The following ZNF765 variants were observed in gnomAD, a reference collection of about 807,000 sequenced individuals.
ZNF765 encodes the protein zinc finger protein 765.
ZNF765 carries 37 observed loss-of-function variants against 44.7 expected under a neutral mutation model. The observed-to-expected ratio is 0.83, with a 90% CI of 0.64 to 1.09. The LOEUF is 1.09. Among genes scored for constraint, ZNF765 ranks in the 50% least tolerant of loss-of-function variants. The probability of loss-of-function intolerance (pLI) is 0.00; values close to 1 mark genes in which losing one functional copy is unlikely to be tolerated. For synonymous variants in ZNF765, 201 were observed against 213.7 expected (o/e 0.94, Z 0.52); for missense variants, 594 against 626.1 (o/e 0.95, Z 0.55).
chr19:53,413,471 T>TC, downstream of ZNF765: 2 of 403,020 alleles, frequency 5.0e-6, no homozygotes, highest in South Asian at 4.5e-5. Context: ...ATATATTTTT[T>TC]CTCTCTGAAT....
In ZNF765 at chr19:53,395,643, C is replaced by T. The variant is rs540239085; in HGVS notation, c.-74+450C>T. On this transcript the variant is annotated intron_variant, in intron 1 of 3. Transcript: ENST00000396408. ...CCACCCTTGTCTTAAGGCGCCGTGGCGCCGCCGCCTCCCTCCTTTTGCGGG... is the reference window on the plus strand; with the variant it reads ...CCACCCTTGTCTTAAGGCGCCGTGGTGCCGCCGCCTCCCTCCTTTTGCGGG... 2.0e-5 allele frequency among the ~76,000 whole-genome samples: 3 copies of T among 152,310 alleles called. No homozygotes were observed. In the East Asian group the frequency reaches 5.8e-4, roughly 30 times the overall value.
chr19:53,422,482 C>T (rs1462539162), intron 3 of ZNF765, among the ~76,000 whole-genome samples: 3 of 152,206 alleles, frequency 2.0e-5, no homozygotes, highest in Non-Finnish European at 4.4e-5. Context: ...AAATAGGACA[C>T]ATCCAAATAT....
downstream of ZNF765, among the ~76,000 whole-genome samples, chr19:53,414,222 CAG>C (rs2085855100): frequency 1.0e-5 from 1 of 99,086 alleles, no homozygotes; most frequent in Non-Finnish European, 1.9e-5. Flanking sequence ...ACCTGGACGA[CAG>C]AGTGAGACTC....
Position 53,410,146 on chromosome 19 carries a change from A to C in ZNF765, c.*1019A>C, listed in dbSNP as rs2085820264. The C allele has an allele frequency of 3.5e-5, 15 of 425,312 alleles. No individual in the cohort carries two copies. Among genetic ancestry groups the C allele is most frequent in the South Asian group, 2.7e-4 (15 of 55,550 alleles). The allele number at this position is 425,312 out of a possible 1,614,324, so 26.3% of individuals were successfully genotyped here. The stretch of plus-strand genomic sequence containing the variant: ...ATTCAAATCAAACCTTGATAGTCAT[A>C]GAATTCATACTAGAGAGAAACCTTA... On this transcript the variant is annotated 3_prime_UTR_variant, in exon 4 of 4. Transcript: ENST00000396408.
intron 1 of ZNF765, among the ~76,000 whole-genome samples, chr19:53,395,885 A>T (rs1445271968): frequency 2.0e-5 from 3 of 152,152 alleles, no homozygotes; most frequent in Non-Finnish European, 2.9e-5. Context: ...GGATCAGGAG[A>T]CAGACGTAGA....
exon 4 of ZNF765, chr19:53,424,431 G>A (rs7256822): frequency 0.08 from 12,202 of 152,016 alleles, 568 homozygotes; most frequent in African/African-American, 0.11. Flanking sequence ...CCGAGATCGC[G>A]CCACAGCACT....
At chr19:53,421,785 A>G (rs534116470) in intron 3 of ZNF765, among the ~76,000 whole-genome samples, 38 of 152,284 alleles carry the variant, frequency 2.5e-4, no homozygotes, top group African/African-American at 8.9e-4. Context: ...AAGTGCTGGG[A>G]TTACAGGCAT....
At chr19:53,399,550 A>G (rs897621708) in intron 2 of ZNF765, among the ~76,000 whole-genome samples, 1 of 152,060 alleles carries the variant, frequency 6.6e-6, no homozygotes, top group African/African-American at 2.4e-5. Flanking sequence ...GCGTGATGGC[A>G]CGTGCCCCTA....
At chr19:53,399,405 G>T (rs542567489) in intron 2 of ZNF765, among the ~76,000 whole-genome samples, 2 of 151,916 alleles carry the variant, frequency 1.3e-5, no homozygotes, top group South Asian at 4.2e-4. Flanking sequence ...AACTCACTGG[G>T]GAGTCACCAC....
chr19:53,398,316 A>G (rs368328717), intron 2 of ZNF765, among the ~76,000 whole-genome samples: 57 of 152,284 alleles, frequency 3.7e-4, no homozygotes, highest in African/African-American at 1.1e-3. Flanking sequence ...GTTGGGCAGC[A>G]GGGATTGTTC....
chr19:53,407,879 C>T lies in ZNF765; in HGVS notation c.324C>T (p.Gly108=). The T allele has an allele frequency of 1.2e-6, 2 of 1,613,576 alleles. No homozygotes were observed. The highest frequency in any genetic ancestry group is 2.2e-5 in the South Asian group (2 of 90,976). The change falls in exon 4 of 4, where the codon GGC becomes GGT. Residue 108 remains glycine, a synonymous_variant. Coordinates refer to ENST00000396408, the MANE Select transcript of ZNF765 (RefSeq NM_001040185.3). ...EFQWQEDERN[G]HEALMTKIKK... is the part of the protein sequence containing the mutation. ...AGTGGCAAGAAGATGAAAGAAATGG[C>T]CATGAAGCACTCATGACAAAAATCA...
At chr19:53,396,319 T>G (rs531466759) in intron 1 of ZNF765, among the ~76,000 whole-genome samples, 145 of 152,242 alleles carry the variant, frequency 9.5e-4, no homozygotes, top group African/African-American at 3.3e-3. Context: ...TGCGGGAAAC[T>G]AAGTACTAGA....
Position 53,410,558 on chromosome 19 carries a change from A to G in ZNF765, c.*1431A>G, listed in dbSNP as rs1053013819. 2.3e-5 allele frequency: 10 copies of G among 425,798 alleles called. No homozygotes were observed. The highest frequency in any genetic ancestry group is 1.2e-4 in the African/African-American group (6 of 48,674). The allele number at this position is 425,798 out of a possible 1,614,324, so 26.4% of individuals were successfully genotyped here. A position where few individuals can be genotyped will look rare whatever the true frequency, so the allele number is the denominator to read the frequency against. On this transcript the variant is annotated 3_prime_UTR_variant, in exon 4 of 4. Coordinates refer to ENST00000396408, the MANE Select transcript of ZNF765 (RefSeq NM_001040185.3). Reference sequence around the variant, plus strand: ...AGTGGGCAGTCAACACTTGTTTACCATCAGGCAATCCATGGTGTAGGGAAA... The same window carrying G: ...AGTGGGCAGTCAACACTTGTTTACCGTCAGGCAATCCATGGTGTAGGGAAA...
At position 53,408,255 on chromosome 19, in the gene ZNF765, CAGTT is replaced by C. The variant is rs1357666770; in HGVS notation, c.702_705del (p.Leu235SerfsTer3). On this transcript the variant is annotated frameshift_variant, in exon 4 of 4. Coordinates refer to ENST00000396408, the MANE Select transcript of ZNF765 (RefSeq NM_001040185.3). LOFTEE classifies it high-confidence loss of function. Reference sequence around the variant, plus strand: ...TTGTAGCTCACTCTTAAGGAAACATCAGTTAATCCATTTAGGAGAGAAACAATAT... The same window carrying C: ...TTGTAGCTCACTCTTAAGGAAACATCAATCCATTTAGGAGAGAAACAATAT... 4 of 1,614,230 alleles carry C rather than the reference CAGTT, an allele frequency of 2.5e-6. No homozygotes were observed. The South Asian group carries it at 3.3e-5, about 13-fold the overall frequency.
intron 3 of ZNF765, among the ~76,000 whole-genome samples, chr19:53,407,299 T>G (rs2085784466): frequency 6.6e-6 from 1 of 152,234 alleles, no homozygotes; most frequent in Admixed American, 6.5e-5. Context: ...TCCAACACAG[T>G]ACATCATGTG....
chr19:53,398,087 T>A, intron 2 of ZNF765, 57 bp downstream of exon 2: 1 of 1,613,392 alleles, frequency 6.2e-7, no homozygotes, highest in Non-Finnish European at 8.5e-7. Flanking sequence ...AATGCTGACC[T>A]TGGAGTTTGG....
At chr19:53,403,609 C>T (rs528291952) in intron 3 of ZNF765, among the ~76,000 whole-genome samples, 32 of 152,278 alleles carry the variant, frequency 2.1e-4, no homozygotes, top group South Asian at 4.1e-4. Flanking sequence ...TTCGGGAGGC[C>T]GAGGCAGGCA....
chr19:53,415,735 G>A (rs1341994657), downstream of ZNF765, among the ~76,000 whole-genome samples: 1 of 152,124 alleles, frequency 6.6e-6, no homozygotes, highest in African/African-American at 2.4e-5. Context: ...TCTTGAGACT[G>A]TGGGGGCAGA....
At chr19:53,420,980 G>C (rs1011428075) in intron 3 of ZNF765, among the ~76,000 whole-genome samples, 1 of 152,102 alleles carries the variant, frequency 6.6e-6, no homozygotes, top group Non-Finnish European at 1.5e-5. Flanking sequence ...AAAGAGGAAG[G>C]CCTCTTTGCA....
Sources: allele counts gnomAD v4.1 joint callset (sites outside exome capture counted in the v4.1 genomes callset), GRCh38; gene constraint gnomAD v4.1.1; transcripts MANE v1.5; gene names NCBI Gene and HGNC (gene_info 2026-07-23, HGNC 2026-07-21).